The following GALNT10 variants were observed in gnomAD, a reference collection of about 807,000 sequenced individuals.
GALNT10 encodes polypeptide N-acetylgalactosaminyltransferase 10, also known as GalNAc transferase 10.
GALNT10 carries 41 observed loss-of-function variants against 75.0 expected under a neutral mutation model. The observed-to-expected ratio is 0.55, with a 90% CI of 0.43 to 0.71. The LOEUF is 0.71. GALNT10 is among the 30% of genes least tolerant of loss of function. The pLI is 0.00. For synonymous variants in GALNT10, 302 were observed against 313.0 expected, an observed-to-expected ratio of 0.96 and a Z score of 0.37; for missense variants, 727 against 818.5, an observed-to-expected ratio of 0.89 and a Z score of 1.36.
intron 4 of GALNT10, among the ~76,000 whole-genome samples, chr5:154,353,462 A>G (rs1755241975): frequency 6.7e-6 from 1 of 148,846 alleles, no homozygotes; most frequent in African/African-American, 2.6e-5. Context: ...AGGGGAGCAC[A>G]GCTCCTTGGA....
chr5:154,349,144 C>CTAT (rs1755170175), intron 4 of GALNT10, among the ~76,000 whole-genome samples: 1 of 151,724 alleles, frequency 6.6e-6, no homozygotes, highest in African/African-American at 2.4e-5. Context: ...GAAAGGCTTC[C>CTAT]TAGATAGGTG....
At chr5:154,296,512 A>G (rs552981948) in intron 2 of GALNT10, among the ~76,000 whole-genome samples, 1 of 152,308 alleles carries the variant, frequency 6.6e-6, no homozygotes, top group East Asian at 1.9e-4. Flanking sequence ...GGAGACATTA[A>G]TAATAATAAT....
intron 4 of GALNT10, among the ~76,000 whole-genome samples, chr5:154,343,063 T>C (rs1313293938): frequency 6.6e-6 from 1 of 151,902 alleles, no homozygotes; most frequent in Non-Finnish European, 1.5e-5. Flanking sequence ...AATTTTGGTG[T>C]GCATAAGAAT....
intron 5 of GALNT10, among the ~76,000 whole-genome samples, chr5:154,379,793 A>G (rs1316826678): frequency 6.6e-6 from 1 of 152,228 alleles, no homozygotes; most frequent in Non-Finnish European, 1.5e-5. Flanking sequence ...TTGGTCCACC[A>G]GGCTCTGCTT....
chr5:154,273,659 G>T (rs764850917), intron 1 of GALNT10, among the ~76,000 whole-genome samples: 1 of 152,168 alleles, frequency 6.6e-6, no homozygotes, highest in Non-Finnish European at 1.5e-5. Context: ...TGAGAGTAAG[G>T]GTTGGGAGTA....
chr5:154,395,437 C>A (rs1303143485), intron 7 of GALNT10, among the ~76,000 whole-genome samples: 2 of 152,180 alleles, frequency 1.3e-5, no homozygotes, highest in African/African-American at 4.8e-5. Flanking sequence ...ATAGTGCAGT[C>A]GTGAGCATGA....
chr5:154,366,429 C>T (rs529096962), intron 4 of GALNT10, among the ~76,000 whole-genome samples: 12 of 151,852 alleles, frequency 7.9e-5, no homozygotes, highest in East Asian at 7.7e-4. Flanking sequence ...ACTGGAGCTA[C>T]GAGGTAAAAA....
intron 1 of GALNT10, among the ~76,000 whole-genome samples, chr5:154,196,739 C>G (rs532978668): frequency 6.6e-6 from 1 of 152,162 alleles, no homozygotes; most frequent in Non-Finnish European, 1.5e-5. Context: ...TACTTTGGAT[C>G]TAATGTGCTG....
intron 3 of GALNT10, among the ~76,000 whole-genome samples, chr5:154,307,804 G>A (rs553825411): frequency 2.1e-4 from 32 of 151,552 alleles, no homozygotes; most frequent in South Asian, 6.3e-4. Flanking sequence ...TGGTATCATC[G>A]TCATTATTCA....
chr5:154,257,964 C>G lies in GALNT10; in HGVS notation c.160-36852C>G, dbSNP rs147000949. On this transcript the variant is annotated intron_variant, in intron 1 of 11. Coordinates refer to ENST00000297107, the MANE Select transcript of GALNT10 (RefSeq NM_198321.4). Reference sequence around the variant, plus strand: ...TAACATTTTCTGAGCCTTTTTGCATCATGCTTCTAGAAGTTAAGGTATATG... The same window carrying G: ...TAACATTTTCTGAGCCTTTTTGCATGATGCTTCTAGAAGTTAAGGTATATG... 5.1e-3 allele frequency among the ~76,000 whole-genome samples: 779 copies of G among 152,230 alleles called. 6 individuals carry two copies. The highest frequency in any genetic ancestry group is 8.1e-3 in the Non-Finnish European group (548 of 68,006).
Position 154,409,855 on chromosome 5 carries a change from G to C in GALNT10, c.1386+93G>C. 1.2e-6 allele frequency: 1 copy of C among 828,980 alleles called. No homozygotes were observed. Among genetic ancestry groups the C allele is most frequent in the Admixed American group, 1.9e-5 (1 of 53,600 alleles). The allele number at this position is 828,980 out of a possible 1,614,324, so 51.4% of individuals were successfully genotyped here. Reference sequence around the variant, plus strand: ...GTTCAAAAGGTAGAAAGTCAGTGCAGGGAGGAAAGGCGTGAATATAAAATC... The same window carrying C: ...GTTCAAAAGGTAGAAAGTCAGTGCACGGAGGAAAGGCGTGAATATAAAATC... On this transcript the variant is annotated intron_variant, in intron 9 of 11. Transcript: ENST00000297107. The surrounding 1 kb of genome is among the most constrained non-coding windows in gnomAD (Gnocchi z 4.5).
chr5:154,276,359 A>G (rs538581662), intron 1 of GALNT10, among the ~76,000 whole-genome samples: 25 of 152,334 alleles, frequency 1.6e-4, no homozygotes, highest in South Asian at 6.2e-4. Flanking sequence ...CTACAAAACC[A>G]GCAATGCCAT....
At chr5:154,404,290 A>G in intron 8 of GALNT10, 79 bp downstream of exon 8, 1 of 721,490 alleles carries the variant, frequency 1.4e-6, no homozygotes, top group Non-Finnish European at 2.3e-6. Flanking sequence ...CTGGGGCCCT[A>G]GACTGTGTTA....
At chr5:154,372,564 G>C (rs1236194901) in intron 4 of GALNT10, among the ~76,000 whole-genome samples, 1 of 152,174 alleles carries the variant, frequency 6.6e-6, no homozygotes, top group East Asian at 1.9e-4. Context: ...CAGAAAGAGG[G>C]GCCACCAGGA....
chr5:154,329,324 T>A, intron 3 of GALNT10: 1 of 470,542 alleles, frequency 2.1e-6, no homozygotes, highest in East Asian at 3.4e-5. Flanking sequence ...CCACATGAAA[T>A]CACAACTATT....
chr5:154,225,740 C>T (rs374238023), intron 1 of GALNT10, among the ~76,000 whole-genome samples: 1 of 70,080 alleles, frequency 1.4e-5, no homozygotes, highest in South Asian at 5.4e-4. Flanking sequence ...GTTCTGCCAT[C>T]TTCTTTTGGA....
At chr5:154,219,045 A>G (rs1024866105) in intron 1 of GALNT10, among the ~76,000 whole-genome samples, 91 of 152,264 alleles carry the variant, frequency 6.0e-4, no homozygotes, top group African/African-American at 2.1e-3. Flanking sequence ...ACTTTAGGAT[A>G]AAATCCAGCT....
At chr5:154,191,147 T>A in intron 1 of GALNT10, 122 bp downstream of exon 1, 3 of 650,462 alleles carry the variant, frequency 4.6e-6, no homozygotes, top group Non-Finnish European at 6.7e-6. Flanking sequence ...ACTCTTCAGC[T>A]CTTCCCATTT....
chr5:154,256,602 C>A (rs1020636973), intron 1 of GALNT10, among the ~76,000 whole-genome samples: 1 of 151,992 alleles, frequency 6.6e-6, no homozygotes, highest in Non-Finnish European at 1.5e-5. Context: ...CAATTGTGTT[C>A]TTCAATATTA....
Sources: allele counts gnomAD v4.1 joint callset (sites outside exome capture counted in the v4.1 genomes callset), GRCh38; gene constraint gnomAD v4.1.1; non-coding constraint Gnocchi (gnomAD v3.1); transcripts MANE v1.5; gene names NCBI Gene and HGNC (gene_info 2026-07-23, HGNC 2026-07-21).